NUP210: variants seen among roughly 807,000 people sequenced by gnomAD.
The protein encoded by NUP210 is nuclear pore membrane glycoprotein 210.
NUP210 carries 151 observed loss-of-function variants against 196.0 expected under a neutral mutation model. That is an observed-to-expected ratio of 0.77 (90% CI 0.67 to 0.88). The LOEUF (loss-of-function observed/expected upper bound fraction) is 0.88, where lower values mean the gene tolerates loss of function less well. NUP210 is among the 40% of genes least tolerant of loss of function. NUP210 has a pLI of 0.00. For missense variants in NUP210, 2,314 were observed against 2,493.7 expected (o/e 0.93, Z 1.53); for synonymous variants, 1,070 against 1,052.7 (o/e 1.02, Z -0.32).
chr3:13,321,752 C>T lies in NUP210; in HGVS notation c.4999G>A (p.Val1667Ile), dbSNP rs1323816373. The T allele has an allele frequency of 2.5e-6, 4 of 1,613,652 alleles. No individual in the cohort carries two copies. Among genetic ancestry groups the T allele is most frequent in the Admixed American group, 3.3e-5 (2 of 60,024 alleles). ...HLSMKKTALV[V>I]SASLSSSHFS... ...TGGCTGCTGGAGAGGGAGGCACTGACCACCAGAGCTGTCTTCTTCATGCTC... is the reference window on the plus strand; with the variant it reads ...TGGCTGCTGGAGAGGGAGGCACTGATCACCAGAGCTGTCTTCTTCATGCTC... Residue 1667 changes from valine (V) to isoleucine (I), a missense_variant, in exon 36 of 40, where the codon GTC becomes ATC. By Grantham distance (29) the Val-to-Ile change is conservative (BLOSUM62 3). Transcript: ENST00000254508.
Position 13,340,018 on chromosome 3 carries a change from C to T in NUP210, c.3307G>A (p.Gly1103Ser), listed in dbSNP as rs180972983. The stretch of plus-strand genomic sequence containing the variant: ...AGGATGTTGGACTGAGGCTGGGGGC[C>T]GCCCTCGGAGGTGACCTGAGCGGGG... The part of the protein sequence containing the change: ...GATMQVTSEG[G>S]PQPQSNILFS... The change falls in exon 25 of 40, where the codon GGC becomes AGC. Residue 1103 changes from glycine to serine, a missense_variant. Physicochemically the swap from Gly to Ser is moderately conservative, Grantham distance 56 (BLOSUM62 0). Coordinates refer to ENST00000254508, the MANE Select transcript of NUP210 (RefSeq NM_024923.4). This position sits in a 1 kb window ranked among gnomAD's most constrained non-coding sequence, Gnocchi z 4.0. 1.2e-5 allele frequency: 20 copies of T among 1,613,882 alleles called. No homozygotes were observed. The highest frequency in any genetic ancestry group is 8.9e-5 in the East Asian group (4 of 44,882).
chr3:13,350,752 G>T lies in NUP210; in HGVS notation c.2835+1127C>A, dbSNP rs1030333149. 1.3e-5 allele frequency among the ~76,000 whole-genome samples: 2 copies of T among 148,184 alleles called. No individual in the cohort carries two copies. Among genetic ancestry groups the T allele is most frequent in the Non-Finnish European group, 3.0e-5 (2 of 67,482 alleles). ...CCCGTCGCCCAGGCTGGAGTGCAGT[G>T]GCGCAATCTTGGCTCACTGCAAGCT... On this transcript the variant is annotated intron_variant, in intron 20 of 39. Coordinates refer to ENST00000254508, the MANE Select transcript of NUP210 (RefSeq NM_024923.4). The surrounding 1 kb of genome is among the most constrained non-coding windows in gnomAD (Gnocchi z 4.1).
At chr3:13,415,996 CAA>C (rs749528105) in intron 1 of NUP210, among the ~76,000 whole-genome samples, 4 of 152,178 alleles carry the variant, frequency 2.6e-5, no homozygotes, top group Non-Finnish European at 5.9e-5. Flanking sequence ...CACCCCTCAG[CAA>C]AGAGGGACTC....
chr3:13,372,716 C>T (rs1383956861), intron 12 of NUP210, among the ~76,000 whole-genome samples: 1 of 152,180 alleles, frequency 6.6e-6, no homozygotes, highest in South Asian at 2.1e-4. Context: ...TCCTCAACCC[C>T]ACTCACCTGG....
At chr3:13,413,807 C>T (rs993859727) in intron 1 of NUP210, among the ~76,000 whole-genome samples, 1 of 152,126 alleles carries the variant, frequency 6.6e-6, no homozygotes, top group African/African-American at 2.4e-5. Context: ...CTTCATGCCA[C>T]AGAACTCTAC....
At chr3:13,361,743 C>T (rs529134372) in intron 14 of NUP210, among the ~76,000 whole-genome samples, 63 of 152,312 alleles carry the variant, frequency 4.1e-4, no homozygotes, top group Middle Eastern at 3.4e-3. Context: ...GACCCTGTCC[C>T]TTGTGCATTA....
chr3:13,342,044 G>C lies in NUP210; in HGVS notation c.3044C>G (p.Pro1015Arg), dbSNP rs1380446374. 1.9e-6 allele frequency: 3 copies of C among 1,614,088 alleles called. No individual in the cohort carries two copies. In the African/African-American group the frequency reaches 4.0e-5, roughly 22 times the overall value. The change falls in exon 22 of 40, where the codon CCC becomes CGC. Residue 1015 changes from proline to arginine, a missense_variant. Coordinates refer to ENST00000254508, the MANE Select transcript of NUP210 (RefSeq NM_024923.4). The part of the protein sequence containing the change: ...HKKPFLAKYF[P>R]FMDLKLRAAS... ...TGCTCGGAGCTTCAGGTCCATAAAG[G>C]GGAAGTATTTGGCAAGGAAGGGCTT... is the stretch of plus-strand genomic sequence containing the variant.
intron 13 of NUP210, among the ~76,000 whole-genome samples, chr3:13,369,853 A>G (rs1047573160): frequency 6.6e-6 from 1 of 152,218 alleles, no homozygotes; most frequent in Admixed American, 6.5e-5. Flanking sequence ...CAAGAGGGCA[A>G]GGCAGAAATG....
intron 1 of NUP210, among the ~76,000 whole-genome samples, chr3:13,418,948 C>CAAAAAAAAA (rs112826426): frequency 7.3e-4 from 38 of 52,362 alleles, no homozygotes; most frequent in East Asian, 1.4e-3. Flanking sequence ...AACTCCGTCT[C>CAAAAAAAAA]AAAAAAAAAA....
Position 13,332,532 on chromosome 3 carries a change from T to C in NUP210, c.3844-148A>G, listed in dbSNP as rs901090892. 4 of 645,718 alleles carry C rather than the reference T, an allele frequency of 6.2e-6. No individual in the cohort carries two copies. The African/African-American group carries it at 7.2e-5, about 12-fold the overall frequency. 40.0% of individuals were successfully genotyped at this position (645,718 alleles called of 1,614,324 possible). A position where few individuals can be genotyped will look rare whatever the true frequency, so the allele number is the denominator to read the frequency against. On this transcript the variant is annotated intron_variant, in intron 28 of 39. Coordinates refer to ENST00000254508, the MANE Select transcript of NUP210 (RefSeq NM_024923.4). ...GTCTGTCAGGTCACTGATGACATGA[T>C]GTGAAGGGCTGACCTTTAAGAGGCC...
rs145337939 is a variant in NUP210 at position 13,350,484 on chromosome 3, C to A, written c.2835+1395G>T. On this transcript the variant is annotated intron_variant, in intron 20 of 39. Transcript: ENST00000254508. This position sits in a 1 kb window ranked among gnomAD's most constrained non-coding sequence, Gnocchi z 4.1. ...AAACAAAACAAAACAAAACAAAAAA[C>A]AAAACAAAACAGGAAAACATGACCC... 7.0e-5 allele frequency among the ~76,000 whole-genome samples: 7 copies of A among 100,398 alleles called. No individual in the cohort carries two copies. The highest frequency in any genetic ancestry group is 2.0e-4 in the Admixed American group (2 of 9,796). 65.9% of individuals were successfully genotyped at this position (100,398 alleles called of 152,430 possible).
At chr3:13,365,568 G>A (rs1698502096) in intron 14 of NUP210, among the ~76,000 whole-genome samples, 1 of 152,222 alleles carries the variant, frequency 6.6e-6, no homozygotes, top group Admixed American at 6.5e-5. Flanking sequence ...CTAGGGCTCT[G>A]TGGGGACCCT....
At chr3:13,375,724 C>T (rs1698881850) in intron 10 of NUP210, 83 bp from the exon 11 acceptor site, 1 of 1,457,780 alleles carries the variant, frequency 6.9e-7, no homozygotes, top group South Asian at 1.2e-5. Context: ...CCCACCCCTC[C>T]CTGGGGATCG....
At chr3:13,351,793 G>A (rs535977724) in intron 20 of NUP210, 86 bp downstream of exon 20, 2 of 899,034 alleles carry the variant, frequency 2.2e-6, no homozygotes, top group Non-Finnish European at 3.6e-6. Context: ...TCAAGTGCTA[G>A]CTTTCAAAAT....
intron 3 of NUP210, among the ~76,000 whole-genome samples, chr3:13,396,959 G>C (rs1257064001): frequency 6.6e-6 from 1 of 152,066 alleles, no homozygotes; most frequent in Non-Finnish European, 1.5e-5. Flanking sequence ...CTGGCCCTAA[G>C]AGCCAGAGCA....
chr3:13,399,265 CAAAAAAAA>C (rs35136269), intron 2 of NUP210, among the ~76,000 whole-genome samples: 6 of 65,344 alleles, frequency 9.2e-5, no homozygotes, highest in African/African-American at 3.3e-4. Flanking sequence ...GACTCTGTCT[CAAAAAAAA>C]AAAAAAAAAA....
chr3:13,371,780 G>C, intron 13 of NUP210, 54 bp downstream of exon 13: 1 of 1,513,250 alleles, frequency 6.6e-7, no homozygotes, highest in Non-Finnish European at 9.0e-7. Flanking sequence ...TGAGAACCCA[G>C]ACAATCTGGC....
chr3:13,341,964 G>A (rs1243993363), intron 22 of NUP210, 32 bp downstream of exon 22: 2 of 1,613,842 alleles, frequency 1.2e-6, no homozygotes, highest in South Asian at 1.1e-5. Flanking sequence ...CTGTCTCTGA[G>A]GTGCCCTCCT....
chr3:13,415,692 T>A (rs548595476), intron 1 of NUP210, among the ~76,000 whole-genome samples: 1 of 152,270 alleles, frequency 6.6e-6, no homozygotes, highest in East Asian at 1.9e-4. Flanking sequence ...GTGAATTTTT[T>A]ATTTTGACTA....
Sources: gnomAD v4.1 joint callset for allele counts (sites outside exome capture counted in the v4.1 genomes callset) on GRCh38, gnomAD v4.1.1 for gene constraint, Gnocchi (gnomAD v3.1) non-coding constraint, MANE v1.5 for transcripts, NCBI Gene and HGNC (gene_info 2026-07-23, HGNC 2026-07-21) for gene names.